Variants in GSE1 observed in about 807,000 individuals in gnomAD.
GSE1 encodes Gse1 coiled-coil protein, also known as genetic suppressor element 1.
Under a neutral mutation model 112.6 loss-of-function variants are expected in GSE1, and 32 were observed. The ratio of observed to expected loss-of-function variants is 0.28; its 90% CI spans 0.21 to 0.38. The LOEUF is 0.38. Ranked by LOEUF, GSE1 falls within the 10% of genes least tolerant of loss-of-function variation. The pLI, the probability that GSE1 is intolerant of heterozygous loss-of-function variation, is 1.00. For synonymous variants in GSE1, 1,115 were observed against 735.6 expected, an observed-to-expected ratio of 1.52 and a Z score of -8.35; for missense variants, 2,348 against 1,699.2, an observed-to-expected ratio of 1.38 and a Z score of -6.71.
Position 85,665,028 on chromosome 16 carries a change from T to C in GSE1, c.2658T>C (p.Leu886=). Residue 886 remains leucine, a synonymous_variant, in exon 12 of 16, where the codon CTT becomes CTC. Coordinates refer to ENST00000253458, the MANE Select transcript of GSE1 (RefSeq NM_014615.5). ...CTTTTCTCATAGACAAAGAGAGACT[T>C]GTTGAAATGCTCCGTGCCATGAAGC... The part of the protein sequence containing the change: ...SAEKRKDKER[L]VEMLRAMKQK... The C allele has an allele frequency of 1.2e-6, 2 of 1,606,132 alleles. No homozygotes were observed. Among genetic ancestry groups the C allele is most frequent in the Non-Finnish European group, 1.7e-6 (2 of 1,173,048 alleles).
intron 1 of GSE1, among the ~76,000 whole-genome samples, chr16:85,175,674 G>T (rs2074448474): frequency 6.6e-6 from 1 of 152,206 alleles, no homozygotes; most frequent in South Asian, 2.1e-4. Flanking sequence ...TCCCTTCAGA[G>T]CTAGAAACAA....
In GSE1 at chr16:85,673,480, A is replaced by AG. The variant is rs2053503447; in HGVS notation, c.*941_*942insG. On this transcript the variant is annotated 3_prime_UTR_variant, in exon 16 of 16. Coordinates refer to ENST00000253458, the MANE Select transcript of GSE1 (RefSeq NM_014615.5). ...TTGTTGTTTTGGTTTTTTTTGGGCA[A>AG]AAAAAAAAAAAAAACCTTGCTTTTA... The AG allele has an allele frequency of 1.2e-5, 1 of 83,794 alleles. No homozygotes were observed. The highest frequency in any genetic ancestry group is 3.7e-5 in the African/African-American group (1 of 26,846). 5.2% of individuals were successfully genotyped at this position (83,794 alleles called of 1,614,324 possible). A position where few individuals can be genotyped will look rare whatever the true frequency, so the allele number is the denominator to read the frequency against.
chr16:85,526,099 A>G (rs2052356124), intron 2 of GSE1, among the ~76,000 whole-genome samples: 1 of 152,142 alleles, frequency 6.6e-6, no homozygotes, highest in African/African-American at 2.4e-5. Flanking sequence ...ACAGCTGCTG[A>G]GAGACAGGCA....
intron 2 of GSE1, among the ~76,000 whole-genome samples, chr16:85,471,060 T>TCTC (rs997208574): frequency 2.6e-5 from 4 of 152,084 alleles, no homozygotes; most frequent in African/African-American, 9.7e-5. Flanking sequence ...CCAGGCATTC[T>TCTC]CTCCATGGAC....
intron 1 of GSE1, among the ~76,000 whole-genome samples, chr16:85,588,632 G>A (rs1162204894): frequency 6.6e-6 from 1 of 152,232 alleles, no homozygotes; most frequent in Non-Finnish European, 1.5e-5. Flanking sequence ...GACCTTTGCT[G>A]GGACAAGAAG....
At chr16:85,326,108 G>A (rs772857836) in intron 1 of GSE1, among the ~76,000 whole-genome samples, 2 of 152,096 alleles carry the variant, frequency 1.3e-5, no homozygotes, top group African/African-American at 2.4e-5. Context: ...TTGGCCTGAC[G>A]GTGTCTACTT....
intron 2 of GSE1, among the ~76,000 whole-genome samples, chr16:85,452,170 G>A (rs1386475409): frequency 6.6e-6 from 1 of 152,230 alleles, no homozygotes; most frequent in African/African-American, 2.4e-5. Flanking sequence ...TTGCCACCCT[G>A]GCCTGCATCG....
At chr16:85,306,639 C>T (rs1012878186) in intron 1 of GSE1, among the ~76,000 whole-genome samples, 1 of 152,182 alleles carries the variant, frequency 6.6e-6, no homozygotes, top group South Asian at 2.1e-4. Context: ...GCCTCATCCT[C>T]CTGGGTTCAA....
At chr16:85,435,126 G>A (rs1170900426) in intron 2 of GSE1, among the ~76,000 whole-genome samples, 1 of 151,892 alleles carries the variant, frequency 6.6e-6, no homozygotes, top group Non-Finnish European at 1.5e-5. Flanking sequence ...CCATAGCCCC[G>A]ATTCCCTGTC....
intron 1 of GSE1, among the ~76,000 whole-genome samples, chr16:85,315,258 G>A (rs1597375398): frequency 6.6e-6 from 1 of 152,166 alleles, no homozygotes; most frequent in South Asian, 2.1e-4. Flanking sequence ...GCTCTGCCCC[G>A]TCTTCACAGG....
At chr16:85,577,845 G>A (rs1016530189) in intron 1 of GSE1, among the ~76,000 whole-genome samples, 2 of 152,230 alleles carry the variant, frequency 1.3e-5, no homozygotes, top group Non-Finnish European at 2.9e-5. Context: ...GTCCTCCAGG[G>A]GCTCCAGCAT....
At chr16:85,335,318 C>T (rs562937461) in intron 1 of GSE1, among the ~76,000 whole-genome samples, 31 of 152,388 alleles carry the variant, frequency 2.0e-4, no homozygotes, top group Middle Eastern at 3.4e-3. Context: ...GGAGCAGCCC[C>T]GGGCCCGGGT....
intron 2 of GSE1, among the ~76,000 whole-genome samples, chr16:85,378,454 CT>C (rs1342139559): frequency 6.6e-6 from 1 of 152,180 alleles, no homozygotes; most frequent in Non-Finnish European, 1.5e-5. Flanking sequence ...CACTTAGGAG[CT>C]GTGAGCCACG....
intron 2 of GSE1, among the ~76,000 whole-genome samples, chr16:85,635,205 G>T (rs571417827): frequency 6.6e-6 from 1 of 152,154 alleles, no homozygotes; most frequent in East Asian, 1.9e-4. Flanking sequence ...GTTGGAGAAT[G>T]GGGGGAGTGT....
At chr16:85,175,524 G>C (rs534541833) in intron 1 of GSE1, among the ~76,000 whole-genome samples, 2 of 152,234 alleles carry the variant, frequency 1.3e-5, no homozygotes, top group African/African-American at 4.8e-5. Flanking sequence ...GGGTGAGAGC[G>C]CCTGGCTCGC....
chr16:85,650,114 C>T (rs1320254896), intron 3 of GSE1, among the ~76,000 whole-genome samples: 1 of 152,208 alleles, frequency 6.6e-6, no homozygotes, highest in African/African-American at 2.4e-5. Flanking sequence ...TTGACTAATC[C>T]TCATGTGAGG....
chr16:85,473,080 C>T (rs1214336456), intron 2 of GSE1, among the ~76,000 whole-genome samples: 3 of 152,240 alleles, frequency 2.0e-5, no homozygotes, highest in African/African-American at 7.2e-5. Context: ...CAAGGGAGGC[C>T]TCTCGAGGGA....
chr16:85,330,644 G>C lies in GSE1; in HGVS notation c.2284-26819G>C, dbSNP rs185379999. Among the ~76,000 whole-genome samples, 4 of 152,326 alleles carry C rather than the reference G, an allele frequency of 2.6e-5. No individual in the cohort carries two copies. The East Asian group carries it at 7.7e-4, about 29-fold the overall frequency. ...GGAAGCGTGCAGGTGGGCAGGGGTG[G>C]GCACCGGAGGGCATGATGCATCATT... On this transcript the variant is annotated intron_variant, in intron 1 of 2. Transcript: ENST00000637419.
At chr16:85,431,104 A>C (rs1389364105) in intron 2 of GSE1, among the ~76,000 whole-genome samples, 1 of 152,180 alleles carries the variant, frequency 6.6e-6, no homozygotes, top group Non-Finnish European at 1.5e-5. Context: ...TCCTGGATTC[A>C]AGCCCTCCTG....
Sources: gnomAD v4.1 joint callset for allele counts (sites outside exome capture counted in the v4.1 genomes callset) on GRCh38, gnomAD v4.1.1 for gene constraint, MANE v1.5 for transcripts, NCBI Gene and HGNC (gene_info 2026-07-23, HGNC 2026-07-21) for gene names.